Variants in GALNT9 observed in about 807,000 individuals in gnomAD.
GALNT9 encodes GalNAc transferase 9.
Under a neutral mutation model 63.1 loss-of-function variants are expected in GALNT9, and 47 were observed. The ratio of observed to expected loss-of-function variants is 0.75; its 90% CI spans 0.59 to 0.95. GALNT9 has a LOEUF of 0.95. Among genes scored for constraint, GALNT9 ranks in the 40% least tolerant of loss-of-function variants. The probability of loss-of-function intolerance (pLI) is 0.00; values close to 1 mark genes in which losing one functional copy is unlikely to be tolerated. For missense variants in GALNT9, 829 were observed against 874.8 expected (o/e 0.95, Z 0.66); for synonymous variants, 396 against 365.7 (o/e 1.08, Z -0.94).
intron 6 of GALNT9, among the ~76,000 whole-genome samples, chr12:132,219,314 C>T (rs577058354): frequency 2.6e-5 from 4 of 152,294 alleles, no homozygotes; most frequent in Non-Finnish European, 4.4e-5. Context: ...CCTCCCCTGC[C>T]GTTTCAGACA....
chr12:132,261,210 G>C, intron 3 of GALNT9, 88 bp from the exon 4 acceptor site: 2 of 1,524,658 alleles, frequency 1.3e-6, no homozygotes, highest in South Asian at 1.2e-5. Flanking sequence ...TGCGTGCCGC[G>C]TGTGGGATGG....
In GALNT9 at chr12:132,282,424, T is replaced by C. The variant is rs868978385; in HGVS notation, c.419+3826A>G. Among the ~76,000 whole-genome samples the C allele has an allele frequency of 6.6e-6, 1 of 151,558 alleles. No individual in the cohort carries two copies. Among genetic ancestry groups the C allele is most frequent in the Non-Finnish European group, 1.5e-5 (1 of 67,874 alleles). On this transcript the variant is annotated intron_variant, in intron 2 of 10. Coordinates refer to ENST00000328957, the MANE Select transcript of GALNT9 (RefSeq NM_001122636.2). This position sits in a 1 kb window ranked among gnomAD's most constrained non-coding sequence, Gnocchi z 4.5. ...GTGCGCGTGTGTGCGTGTGTGTGCG[T>C]GTGTGCGTGCATGCGTGTGTGTGCG...
chr12:132,240,306 C>T (rs2136898014), intron 6 of GALNT9, among the ~76,000 whole-genome samples: 20 of 152,262 alleles, frequency 1.3e-4, no homozygotes, highest in African/African-American at 3.9e-4. Context: ...CCTGTAGCCC[C>T]GGCCCGGCTC....
chr12:132,224,618 A>C (rs1234112514), intron 6 of GALNT9, among the ~76,000 whole-genome samples: 1 of 20,024 alleles, frequency 5.0e-5, no homozygotes, highest in Non-Finnish European at 8.5e-5. Flanking sequence ...CATACACCCC[A>C]TACACCCCAT....
In GALNT9 at chr12:132,316,788, T is replaced by C. The variant is rs781909719; in HGVS notation, c.238+12178A>G. Among the ~76,000 whole-genome samples, 2 of 151,976 alleles carry C rather than the reference T, an allele frequency of 1.3e-5. No individual in the cohort carries two copies. On this transcript the variant is annotated intron_variant, in intron 1 of 10. Transcript: ENST00000328957. This position sits in a 1 kb window ranked among gnomAD's most constrained non-coding sequence, Gnocchi z 4.3. ...CGCTCACATGGGGTACTCGGACCCA[T>C]AGGGACATTTGGTGAGACCTGGGCA... is the stretch of plus-strand genomic sequence containing the variant.
At chr12:132,299,296 C>T (rs1881202700) in intron 1 of GALNT9, among the ~76,000 whole-genome samples, 1 of 143,614 alleles carries the variant, frequency 7.0e-6, no homozygotes, top group Non-Finnish European at 1.5e-5. Context: ...AACTCACCCA[C>T]TCCCACCACA....
chr12:132,280,598 C>G (rs1420572559), intron 2 of GALNT9: 4 of 152,330 alleles, frequency 2.6e-5, no homozygotes, highest in African/African-American at 9.6e-5. Context: ...GCCGTGCCCC[C>G]AGCCCAGAGT....
chr12:132,309,429 C>T (rs28528850), intron 1 of GALNT9, among the ~76,000 whole-genome samples: 119,511 of 152,186 alleles, frequency 0.79, 47,150 homozygotes, highest in East Asian at 1. Flanking sequence ...GCTATCTCCA[C>T]TCTGAACCTG....
chr12:132,287,165 T>G (rs1246573179), intron 1 of GALNT9, among the ~76,000 whole-genome samples: 10 of 145,328 alleles, frequency 6.9e-5, no homozygotes, highest in Middle Eastern at 3.6e-3. Context: ...CAGCCCCCCG[T>G]GAGCCACGGC....
intron 8 of GALNT9, 124 bp downstream of exon 8, chr12:132,201,000 C>T: frequency 4.1e-6 from 4 of 978,228 alleles, no homozygotes; most frequent in Non-Finnish European, 6.1e-6. Flanking sequence ...GTGGGACCCT[C>T]TGGGGGAGGC....
intron 2 of GALNT9, among the ~76,000 whole-genome samples, chr12:132,267,988 C>T (rs1185703637): frequency 6.7e-6 from 1 of 150,294 alleles, no homozygotes; most frequent in African/African-American, 2.5e-5. Context: ...CATGAACTCA[C>T]ACACATGCAC....
In GALNT9 at chr12:132,323,105, A is replaced by T. The variant is rs150949785; in HGVS notation, c.238+5861T>A. Among the ~76,000 whole-genome samples, 4 of 152,342 alleles carry T rather than the reference A, an allele frequency of 2.6e-5. No individual in the cohort carries two copies. In the East Asian group the frequency reaches 7.7e-4, roughly 29 times the overall value. On this transcript the variant is annotated intron_variant, in intron 1 of 10. Transcript: ENST00000328957. ...TGACCACACGGGTCTCAAGACATGGATCCCATCCTGCCCGTTTGTCCTCAG... is the reference window on the plus strand; with the variant it reads ...TGACCACACGGGTCTCAAGACATGGTTCCCATCCTGCCCGTTTGTCCTCAG...
At chr12:132,268,180 C>T (rs782021257) in intron 2 of GALNT9, among the ~76,000 whole-genome samples, 9 of 151,886 alleles carry the variant, frequency 5.9e-5, no homozygotes, top group African/African-American at 1.7e-4. Flanking sequence ...CAAACCCATA[C>T]ATGTACTCAC....
chr12:132,197,338 T>A (rs1182739099), intron 10 of GALNT9, 85 bp from the exon 11 acceptor site: 8 of 1,552,920 alleles, frequency 5.2e-6, no homozygotes, highest in Non-Finnish European at 6.9e-6. Flanking sequence ...CTTCGTGCTC[T>A]CAGCCCTCGT....
intron 1 of GALNT9, among the ~76,000 whole-genome samples, chr12:132,322,792 T>C (rs1395116743): frequency 2.0e-5 from 3 of 152,222 alleles, no homozygotes; most frequent in Non-Finnish European, 4.4e-5. Flanking sequence ...TACGAGATGA[T>C]ACAACCCTTG....
chr12:132,211,021 C>T (rs1274863915), intron 6 of GALNT9, among the ~76,000 whole-genome samples: 1 of 152,134 alleles, frequency 6.6e-6, no homozygotes, highest in Non-Finnish European at 1.5e-5. Flanking sequence ...AATCGCGGTG[C>T]CTGCCGCCGG....
intron 6 of GALNT9, chr12:132,240,725 T>A (rs1361897849): frequency 8.8e-6 from 4 of 455,766 alleles, no homozygotes; most frequent in South Asian, 1.5e-5. Context: ...AACCCTTCTG[T>A]TTCCTGGGAA....
At chr12:132,215,210 C>G (rs998386858) in intron 6 of GALNT9, among the ~76,000 whole-genome samples, 1 of 152,258 alleles carries the variant, frequency 6.6e-6, no homozygotes, top group Non-Finnish European at 1.5e-5. Context: ...CTGCCTGGAG[C>G]CCCAGCTCTT....
chr12:132,202,968 G>A (rs1326415281), intron 7 of GALNT9, among the ~76,000 whole-genome samples: 3 of 152,140 alleles, frequency 2.0e-5, no homozygotes, highest in Non-Finnish European at 2.9e-5. Context: ...GTCCATCCAC[G>A]GACGAGTGGA....
Sources: gnomAD v4.1 joint callset for allele counts (sites outside exome capture counted in the v4.1 genomes callset) on GRCh38, gnomAD v4.1.1 for gene constraint, Gnocchi (gnomAD v3.1) non-coding constraint, MANE v1.5 for transcripts, NCBI Gene and HGNC (gene_info 2026-07-23, HGNC 2026-07-21) for gene names.